The following DENND4C variants were observed in gnomAD, a reference collection of about 807,000 sequenced individuals.
DENND4C encodes the protein DENN domain-containing protein 4C.
A neutral mutation model predicts 203.0 loss-of-function variants in DENND4C; 108 were observed. The ratio of observed to expected loss-of-function variants is 0.53; its 90% CI spans 0.46 to 0.62. The LOEUF is 0.62. Ranked by LOEUF, DENND4C falls within the 20% of genes least tolerant of loss-of-function variation. The probability of loss-of-function intolerance (pLI) is 0.00; values close to 1 mark genes in which losing one functional copy is unlikely to be tolerated. For missense variants in DENND4C, 2,481 were observed against 2,301.2 expected (o/e 1.08, Z -1.60); for synonymous variants, 871 against 792.4 (o/e 1.10, Z -1.67).
intron 2 of DENND4C, among the ~76,000 whole-genome samples, chr9:19,283,815 G>C (rs555368058): frequency 4.0e-5 from 6 of 151,594 alleles, no homozygotes; most frequent in African/African-American, 1.5e-4. Flanking sequence ...GGCTGGTTGC[G>C]AACTCCCAAC....
At chr9:19,340,757 A>G (rs111277302) in intron 20 of DENND4C, among the ~76,000 whole-genome samples, 3 of 152,326 alleles carry the variant, frequency 2.0e-5, no homozygotes, top group Admixed American at 6.5e-5. Context: ...TAATTTACAG[A>G]TGAAGAAATT....
intron 22 of DENND4C, among the ~76,000 whole-genome samples, chr9:19,344,659 A>T (rs1023098659): frequency 2.0e-5 from 3 of 152,036 alleles, no homozygotes; most frequent in African/African-American, 7.2e-5. Flanking sequence ...ATGCCACCAC[A>T]TCTGGCTAAT....
At chr9:19,232,271 T>C (rs1354278493) in intron 1 of DENND4C, among the ~76,000 whole-genome samples, 1 of 152,204 alleles carries the variant, frequency 6.6e-6, no homozygotes, top group Non-Finnish European at 1.5e-5. Context: ...TTGTTTTTTT[T>C]TTCAGTAGTG....
At chr9:19,340,133 G>C (rs1023998190) in intron 20 of DENND4C, among the ~76,000 whole-genome samples, 1 of 152,052 alleles carries the variant, frequency 6.6e-6, no homozygotes, top group Non-Finnish European at 1.5e-5. Context: ...CTTTTTCATG[G>C]GGAATAGATT....
rs377466833 is a variant in DENND4C at position 19,301,795 on chromosome 9, G to C, written c.1311+1464G>C. Among the ~76,000 whole-genome samples, 777 of 152,124 alleles carry C rather than the reference G, an allele frequency of 5.1e-3. 6 individuals carry two copies. Among genetic ancestry groups the C allele is most frequent in the African/African-American group, 0.018 (738 of 41,494 alleles). ...CTACTAAAAATACAAAAATTAGCTG[G>C]GCGTGGTGGTGCACGCCTGTAGTCC... is the stretch of plus-strand genomic sequence containing the variant. On this transcript the variant is annotated intron_variant, in intron 9 of 32. Transcript: ENST00000434457.
chr9:19,248,621 C>G (rs1035424512), intron 1 of DENND4C, among the ~76,000 whole-genome samples: 1 of 152,024 alleles, frequency 6.6e-6, no homozygotes, highest in Non-Finnish European at 1.5e-5. Context: ...AACTCCCGAC[C>G]TCAGATGATC....
chr9:19,284,947 A>G (rs544966115), intron 2 of DENND4C, among the ~76,000 whole-genome samples: 7 of 152,098 alleles, frequency 4.6e-5, no homozygotes, highest in Admixed American at 3.9e-4. Flanking sequence ...TTTGAGTCAT[A>G]GTCTTTTCCC....
intron 1 of DENND4C, among the ~76,000 whole-genome samples, chr9:19,238,228 A>G (rs1054587853): frequency 1.3e-5 from 2 of 151,590 alleles, no homozygotes; most frequent in African/African-American, 2.4e-5. Flanking sequence ...GATTACAGGC[A>G]TGCACCACCA....
Position 19,287,100 on chromosome 9 carries a change from G to A in DENND4C, c.558+79G>A, listed in dbSNP as rs12005677. ...GTTTTGGATTCCTGTTTACTGTTGG[G>A]TATATACTCACATTTTATATTTTCA... On this transcript the variant is annotated intron_variant, in intron 3 of 32. Transcript: ENST00000434457. 8.0e-3 allele frequency: 9,172 copies of A among 1,146,212 alleles called. 532 individuals are homozygous for A. The African/African-American group carries it at 0.13, about 16-fold the overall frequency. 71.0% of individuals were successfully genotyped at this position (1,146,212 alleles called of 1,614,324 possible).
At chr9:19,341,956 C>T (rs56189252) in intron 21 of DENND4C, among the ~76,000 whole-genome samples, 2 of 152,008 alleles carry the variant, frequency 1.3e-5, no homozygotes, top group Non-Finnish European at 2.9e-5. Flanking sequence ...AACCCCGTCT[C>T]TACTAAAAAT....
rs1440314996 is a variant in DENND4C, at chr9:19,336,337, A to C, written c.2657A>C (p.Asn886Thr). The stretch of plus-strand genomic sequence containing the variant: ...ATTTTCTTATGGACGAAGGTACGGA[A>C]TGTGGTACGTGGCTTGGCACAGTTT... ...SGIFLWTKVR[N>T]VVRGLAQFRQ... The change falls in exon 19 of 33, where the codon AAT becomes ACT. Residue 886 changes from asparagine to threonine, a missense_variant. Asn to Thr is a moderately conservative substitution (Grantham distance 65, BLOSUM62 0). Coordinates refer to ENST00000434457, the MANE Select transcript of DENND4C (RefSeq NM_001330640.2). 1 of 1,614,078 alleles carries C rather than the reference A, an allele frequency of 6.2e-7. No individual in the cohort carries two copies. Among genetic ancestry groups the C allele is most frequent in the Admixed American group, 1.7e-5 (1 of 60,000 alleles).
At chr9:19,328,362 C>T (rs1818262973) in intron 16 of DENND4C, among the ~76,000 whole-genome samples, 200 bp downstream of exon 16, 1 of 152,170 alleles carries the variant, frequency 6.6e-6, no homozygotes, top group African/African-American at 2.4e-5. Flanking sequence ...GCCTGTATCC[C>T]AGCACTTTCA....
intron 1 of DENND4C, among the ~76,000 whole-genome samples, chr9:19,243,171 A>T (rs1824199647): frequency 2.0e-5 from 3 of 152,150 alleles, no homozygotes. Flanking sequence ...CCCTAGCCCT[A>T]GATAACCACT....
At chr9:19,316,110 A>G (rs78099779) in intron 10 of DENND4C, among the ~76,000 whole-genome samples, 2,303 of 152,270 alleles carry the variant, frequency 0.015, 53 homozygotes, top group African/African-American at 0.053. Flanking sequence ...CATGTCAACT[A>G]GGTTTGACAC....
Position 19,346,515 on chromosome 9 carries a change from G to A in DENND4C, c.3746G>A (p.Gly1249Glu). 1.9e-6 allele frequency: 3 copies of A among 1,614,138 alleles called. No individual in the cohort carries two copies. The highest frequency in any genetic ancestry group is 2.5e-6 in the Non-Finnish European group (3 of 1,180,034). Residue 1249 changes from glycine to glutamate, a missense_variant, in exon 23 of 33, where the codon GGA becomes GAA. Gly to Glu is a moderately conservative substitution (Grantham distance 98, BLOSUM62 -2). Around this residue, in one of 3 missense-constraint regions of DENND4C, gnomAD observed 2,289 missense variants for 2,113.3 expected, o/e 1.08. Coordinates refer to ENST00000434457, the MANE Select transcript of DENND4C (RefSeq NM_001330640.2). Reference protein sequence around the residue: ...KVVQREDVETGLDPLSLLATE... With the variant: ...KVVQREDVETELDPLSLLATE... ...GTTCAGAGGGAAGATGTTGAAACTG[G>A]ACTAGATCCTTTGTCTCTTTTAGCC...
At chr9:19,231,170 G>T (rs902209679) in intron 1 of DENND4C, among the ~76,000 whole-genome samples, 23 of 152,234 alleles carry the variant, frequency 1.5e-4, no homozygotes, top group Non-Finnish European at 2.6e-4. Context: ...GACCGCCGGG[G>T]CGACGGCCGC....
intron 16 of DENND4C, among the ~76,000 whole-genome samples, chr9:19,330,948 C>G (rs927074685): frequency 5.9e-5 from 9 of 151,442 alleles, no homozygotes; most frequent in African/African-American, 2.2e-4. Flanking sequence ...CCCAGCTACT[C>G]AGGAGGCTGA....
At position 19,273,010 on chromosome 9, in the gene DENND4C, G is replaced by A. The variant is rs562942450; in HGVS notation, c.-17-3148G>A. Reference sequence around the variant, plus strand: ...GTCACCCAGGCTGGAGTGCAGTGGCGCGATCTTGGCTCACTGCAAGCTCCA... The same window carrying A: ...GTCACCCAGGCTGGAGTGCAGTGGCACGATCTTGGCTCACTGCAAGCTCCA... On this transcript the variant is annotated intron_variant, in intron 1 of 32. Transcript: ENST00000434457. Among the ~76,000 whole-genome samples the A allele has an allele frequency of 1.9e-3, 277 of 145,828 alleles. 1 individual carries two copies. Among genetic ancestry groups the A allele is most frequent in the Non-Finnish European group, 3.1e-3 (207 of 67,150 alleles).
rs558167409 is a variant in DENND4C at position 19,264,079 on chromosome 9, A to G, written c.-17-12079A>G. ...TCAGAATAATTTGAGTAGGAATGGT[A>G]TTAGTTCTTTAAATCTTTGGTAAAA... On this transcript the variant is annotated intron_variant, in intron 1 of 32. Coordinates refer to ENST00000434457, the MANE Select transcript of DENND4C (RefSeq NM_001330640.2). Among the ~76,000 whole-genome samples, 18 of 152,242 alleles carry G rather than the reference A, an allele frequency of 1.2e-4. No individual in the cohort carries two copies. The East Asian group carries it at 1.7e-3, about 15-fold the overall frequency.
Sources: allele counts gnomAD v4.1 joint callset (sites outside exome capture counted in the v4.1 genomes callset), GRCh38; gene constraint gnomAD v4.1.1; regional missense constraint gnomAD v4.1.1; transcripts MANE v1.5; gene names NCBI Gene and HGNC (gene_info 2026-07-23, HGNC 2026-07-21).